Variants in NHSL2 observed in about 807,000 individuals in gnomAD.
NHSL2 encodes NHS-like protein 2.
NHSL2 carries 27 observed loss-of-function variants against 53.4 expected under a neutral mutation model. The observed-to-expected ratio is 0.51, with a 90% CI of 0.37 to 0.70. NHSL2 has a LOEUF of 0.70. Among genes scored for constraint, NHSL2 ranks in the 30% least tolerant of loss-of-function variants. The probability of loss-of-function intolerance (pLI) is 0.00; values close to 1 mark genes in which losing one functional copy is unlikely to be tolerated. For synonymous variants in NHSL2, 408 were observed against 404.1 expected, an observed-to-expected ratio of 1.01 and a Z score of -0.12; for missense variants, 892 against 980.1, an observed-to-expected ratio of 0.91 and a Z score of 1.20.
At chrX:72,142,127 T>C in intron 6 of NHSL2, 105 bp from the exon 7 acceptor site, 1 of 578,126 alleles carries the variant, frequency 1.7e-6, no homozygotes. Context: ...TCCACCCTGC[T>C]GCCCTCACAG....
intron 1 of NHSL2, among the ~76,000 whole-genome samples, chrX:72,040,802 C>T (rs1390042420): frequency 5.3e-5 from 6 of 112,217 alleles, no homozygotes. Context: ...ACTCCCTGTT[C>T]ATCCCTTGAG....
chrX:72,018,679 C>A (rs1429638811), intron 1 of NHSL2, among the ~76,000 whole-genome samples: 2 of 112,741 alleles, frequency 1.8e-5, no homozygotes, highest in Non-Finnish European at 3.8e-5. Context: ...CTCCGGAACA[C>A]GAGGCTGCTT....
intron 1 of NHSL2, among the ~76,000 whole-genome samples, chrX:72,063,066 C>T (rs1327275847): frequency 8.9e-6 from 1 of 112,304 alleles, no homozygotes; most frequent in Admixed American, 9.4e-5. Flanking sequence ...TCTGCTTAGC[C>T]TCTGGGGTGT....
chrX:71,977,425 C>CTCTCT (rs1556316598), intron 1 of NHSL2, among the ~76,000 whole-genome samples: 1 of 92,728 alleles, frequency 1.1e-5, no homozygotes, highest in Non-Finnish European at 2.1e-5. Context: ...CTCTCTCTCT[C>CTCTCT]TTTTTTTTTT....
chrX:72,130,935 C>T, intron 1 of NHSL2: 1 of 1,211,761 alleles, frequency 8.3e-7, no homozygotes, highest in Non-Finnish European at 1.1e-6. Context: ...CCGAGATGGC[C>T]CAGTCCTTGG....
chrX:72,108,806 A>G (rs774844492), intron 1 of NHSL2, among the ~76,000 whole-genome samples: 1 of 111,886 alleles, frequency 8.9e-6, no homozygotes, highest in African/African-American at 3.2e-5. Flanking sequence ...GAGAGCAGTC[A>G]GGTCACACCA....
chrX:71,947,077 C>T lies in NHSL2; in HGVS notation c.280+35710C>T, dbSNP rs752500035. Among the ~76,000 whole-genome samples, 3 of 112,236 alleles carry T rather than the reference C, an allele frequency of 2.7e-5. No individual in the cohort carries two copies. In the East Asian group the frequency reaches 8.4e-4, roughly 32 times the overall value. Reference sequence around the variant, plus strand: ...AAACCTCCATCCTCAGCTGCGCACCCTCTACCTGGGCACTCCAGCTTCTCT... The same window carrying T: ...AAACCTCCATCCTCAGCTGCGCACCTTCTACCTGGGCACTCCAGCTTCTCT... On this transcript the variant is annotated intron_variant, in intron 1 of 7. Transcript: ENST00000633930.
In NHSL2 at chrX:71,916,372, G is replaced by A. The variant is rs59786411; in HGVS notation, c.280+5005G>A. Among the ~76,000 whole-genome samples, 940 of 112,399 alleles carry A rather than the reference G, an allele frequency of 8.4e-3. 10 individuals are homozygous for A. The highest frequency in any genetic ancestry group is 0.029 in the African/African-American group (895 of 30,931). Reference sequence around the variant, plus strand: ...CTTCAGTGCTCAAGTAGCTTAACAGGCTCACTGGCTTTGCTGCTGTATTCC... The same window carrying A: ...CTTCAGTGCTCAAGTAGCTTAACAGACTCACTGGCTTTGCTGCTGTATTCC... On this transcript the variant is annotated intron_variant, in intron 1 of 7. Coordinates refer to ENST00000633930, the MANE Select transcript of NHSL2 (RefSeq NM_001013627.3).
chrX:72,110,369 G>A (rs2042081445), intron 1 of NHSL2, among the ~76,000 whole-genome samples: 2 of 111,095 alleles, frequency 1.8e-5, no homozygotes, highest in Non-Finnish European at 3.8e-5. Flanking sequence ...AGCTCCCTAA[G>A]GACAGGGACT....
chrX:72,086,223 C>T (rs2041842005), intron 1 of NHSL2, among the ~76,000 whole-genome samples: 1 of 112,215 alleles, frequency 8.9e-6, no homozygotes, highest in Non-Finnish European at 1.9e-5. Flanking sequence ...CCATCACTAC[C>T]ACAGGACCCT....
chrX:71,990,371 C>T (rs936101515), intron 1 of NHSL2, among the ~76,000 whole-genome samples: 2 of 111,159 alleles, frequency 1.8e-5, no homozygotes, highest in East Asian at 2.8e-4. Flanking sequence ...AACATTTGGA[C>T]GTTCCCACCC....
chrX:72,138,897 G>A lies in NHSL2; in HGVS notation c.1349G>A (p.Gly450Glu), dbSNP rs765227538. Residue 450 changes from glycine to glutamate, a missense_variant, in exon 6 of 8, where the codon GGA (glycine) becomes GAA (glutamate). Physicochemically the swap from Gly to Glu is moderately conservative, Grantham distance 98 (BLOSUM62 -2). Transcript: ENST00000633930. ...CTTGTCGCTCGTGATAACCCAGCAG[G>A]ATGCAGTGGGTCAGCTGGCTACCCT... ...TLLVARDNPA[G>E]CSGSAGYPER... The A allele has an allele frequency of 3.3e-6, 4 of 1,208,549 alleles. No homozygotes were observed. In the African/African-American group the frequency reaches 7.0e-5, roughly 21 times the overall value.
chrX:72,131,691 G>C (rs1465679935), intron 1 of NHSL2: 6 of 483,451 alleles, frequency 1.2e-5, no homozygotes, highest in African/African-American at 7.8e-5. Context: ...ACACCCACCG[G>C]GGCGAGCTCG....
chrX:72,054,091 G>A (rs1341663894), intron 1 of NHSL2, among the ~76,000 whole-genome samples: 2 of 110,977 alleles, frequency 1.8e-5, no homozygotes, highest in African/African-American at 6.6e-5. Flanking sequence ...GCTTACTCTG[G>A]GCCAGCTCTG....
At chrX:72,008,707 C>T (rs1000401039) in intron 1 of NHSL2, among the ~76,000 whole-genome samples, 9 of 112,225 alleles carry the variant, frequency 8.0e-5, no homozygotes, top group Non-Finnish European at 1.1e-4. Context: ...ATAAGTTGCT[C>T]GTCTTGAGTT....
In NHSL2 at chrX:72,134,112, C is replaced by T. The variant is rs1483153851; in HGVS notation, c.458C>T (p.Ser153Leu). 6.9e-6 allele frequency: 8 copies of T among 1,166,873 alleles called. No homozygotes were observed. The highest frequency in any genetic ancestry group is 2.6e-5 in the Admixed American group (1 of 38,806). ...LLQEEYEEQY[S>L]EARLVGQTFR... ...TCAGAAGAATATGAGGAACAGTACTCGGAGGCCAGACTTGTGGGGCAGACC... is the reference window on the plus strand; with the variant it reads ...TCAGAAGAATATGAGGAACAGTACTTGGAGGCCAGACTTGTGGGGCAGACC... The change falls in exon 3 of 8, where the codon TCG becomes TTG. Residue 153 changes from serine to leucine, a missense_variant. Ser to Leu is a moderately radical substitution (Grantham distance 145). Coordinates refer to ENST00000633930, the MANE Select transcript of NHSL2 (RefSeq NM_001013627.3).
chrX:71,919,327 C>T (rs1276524234), intron 1 of NHSL2, among the ~76,000 whole-genome samples: 1 of 111,314 alleles, frequency 9.0e-6, no homozygotes, highest in Admixed American at 9.5e-5. Context: ...TAAATACTAC[C>T]CAGTTCACAG....
chrX:71,922,527 T>A (rs1168507720), intron 1 of NHSL2, among the ~76,000 whole-genome samples: 1 of 112,175 alleles, frequency 8.9e-6, no homozygotes, highest in Non-Finnish European at 1.9e-5. Flanking sequence ...AAGAATAGGC[T>A]GTAGGTGGGA....
chrX:71,931,464 A>G (rs751947434), intron 1 of NHSL2, among the ~76,000 whole-genome samples: 17 of 112,453 alleles, frequency 1.5e-4, no homozygotes, highest in Middle Eastern at 4.6e-3. Context: ...GCAAATTTAC[A>G]TGTTTACTTT....
Sources: allele counts gnomAD v4.1 joint callset (sites outside exome capture counted in the v4.1 genomes callset), GRCh38; gene constraint gnomAD v4.1.1; transcripts MANE v1.5; gene names NCBI Gene and HGNC (gene_info 2026-07-23, HGNC 2026-07-21).